PLAC1: variants seen among roughly 807,000 people sequenced by gnomAD.
PLAC1 encodes placenta associated 1.
For synonymous variants in PLAC1, 68 were observed against 62.1 expected (o/e 1.09, Z -0.44); for missense variants, 136 against 163.2 (o/e 0.83, Z 0.91).
intron 1 of PLAC1, among the ~76,000 whole-genome samples, chrX:134,637,853 A>G (rs1354039248): frequency 9.0e-6 from 1 of 110,591 alleles, no homozygotes; most frequent in African/African-American, 3.3e-5. Context: ...ATCTCAAAAG[A>G]AAAAAAAATT....
intron 2 of PLAC1, among the ~76,000 whole-genome samples, chrX:134,587,073 G>A (rs1292402992): frequency 2.7e-5 from 3 of 110,531 alleles, no homozygotes; most frequent in Non-Finnish European, 5.7e-5. Flanking sequence ...CTTCATGTAG[G>A]CTTCACAGTG....
chrX:134,680,657 C>T (rs768748960), intron 2 of PLAC1, among the ~76,000 whole-genome samples: 7 of 111,878 alleles, frequency 6.3e-5, no homozygotes, highest in Non-Finnish European at 1.1e-4. Context: ...CTCTTGAGAA[C>T]ATTACCCAGC....
intron 1 of PLAC1, among the ~76,000 whole-genome samples, chrX:134,737,566 G>C (rs2078706094): frequency 1.8e-5 from 2 of 112,727 alleles, no homozygotes; most frequent in African/African-American, 6.5e-5. Flanking sequence ...GCTTGCTGGA[G>C]TTCTGGACAG....
chrX:134,657,630 A>C (rs2078398525), intron 1 of PLAC1, among the ~76,000 whole-genome samples: 1 of 111,084 alleles, frequency 9.0e-6, no homozygotes, highest in East Asian at 2.8e-4. Flanking sequence ...GAGAATGTCC[A>C]CCCTGAGAGT....
At chrX:134,661,967 G>A (rs2078418176), upstream of PLAC1, among the ~76,000 whole-genome samples, 1 of 112,387 alleles carries the variant, frequency 8.9e-6, no homozygotes, top group South Asian at 3.7e-4. Flanking sequence ...GGCTAGGTGT[G>A]GTGGCTCATG....
chrX:134,589,978 A>G (rs1045306701), intron 2 of PLAC1, among the ~76,000 whole-genome samples: 10 of 109,721 alleles, frequency 9.1e-5, no homozygotes, highest in East Asian at 2.9e-4. Flanking sequence ...GGCGGATCAC[A>G]AGGTCAGGAG....
intron 2 of PLAC1, among the ~76,000 whole-genome samples, chrX:134,711,960 A>G (rs952073086): frequency 8.9e-6 from 1 of 112,208 alleles, no homozygotes; most frequent in Non-Finnish European, 1.9e-5. Context: ...TAGAAGAACT[A>G]TCCTCTTTTC....
At chrX:134,667,555 A>G (rs1357344786) in intron 2 of PLAC1, among the ~76,000 whole-genome samples, 3 of 111,918 alleles carry the variant, frequency 2.7e-5, no homozygotes, top group African/African-American at 9.8e-5. Context: ...TGGAGAAATC[A>G]GAACCCTTAT....
intron 2 of PLAC1, among the ~76,000 whole-genome samples, chrX:134,666,950 AC>A (rs1304880289): frequency 8.9e-6 from 1 of 112,493 alleles, no homozygotes; most frequent in Non-Finnish European, 1.9e-5. Context: ...AGTCTTTTAA[AC>A]AAATGGTGCT....
Position 134,584,934 on chromosome X carries a change from C to A in PLAC1, c.-59+17117G>T, listed in dbSNP as rs181426233. Among the ~76,000 whole-genome samples the A allele has an allele frequency of 5.3e-3, 585 of 111,136 alleles. 2 individuals carry two copies. Among genetic ancestry groups the A allele is most frequent in the Non-Finnish European group, 7.2e-3 (382 of 53,062 alleles). The stretch of plus-strand genomic sequence containing the variant: ...TTACCCACAAATTCTGCAACTGACA[C>A]ATAAACACAGGCAGAACGTCTTTCT... On this transcript the variant is annotated intron_variant, in intron 2 of 2. Transcript: ENST00000359237.
intron 2 of PLAC1, among the ~76,000 whole-genome samples, chrX:134,568,733 A>G (rs2077890486): frequency 8.9e-6 from 1 of 111,838 alleles, no homozygotes; most frequent in Non-Finnish European, 1.9e-5. Flanking sequence ...GGAAACAATA[A>G]TAACAACACA....
intron 2 of PLAC1, among the ~76,000 whole-genome samples, chrX:134,587,996 C>T (rs778045367): frequency 3.0e-4 from 34 of 111,965 alleles, no homozygotes; most frequent in African/African-American, 1.1e-3. Flanking sequence ...TGAACTGGTA[C>T]AGTTTTACCC....
intron 1 of PLAC1, among the ~76,000 whole-genome samples, chrX:134,602,465 C>T (rs1484978458): frequency 8.9e-6 from 1 of 112,240 alleles, no homozygotes; most frequent in Non-Finnish European, 1.9e-5. Context: ...AAAAAGAAGA[C>T]CTACTTACTA....
intron 2 of PLAC1, chrX:134,599,334 T>C (rs917039083): frequency 3.6e-5 from 4 of 111,105 alleles, no homozygotes; most frequent in Non-Finnish European, 7.6e-5. Context: ...GGTAATTGAA[T>C]CATGGGGGTG....
chrX:134,566,433 C>T lies in PLAC1; in HGVS notation c.250G>A (p.Ala84Thr). 8.3e-7 allele frequency: 1 copy of T among 1,211,820 alleles called. No homozygotes were observed. The highest frequency in any genetic ancestry group is 1.1e-6 in the Non-Finnish European group (1 of 895,504). ...TYRVTECGIR[A>T]KAVSQDMVIY... The stretch of plus-strand genomic sequence containing the variant: ...ACCATGTCCTGAGAGACAGCTTTGG[C>T]CCTGATGCCACATTCAGTAACACGG... The change falls in exon 3 of 3, where the codon GCC becomes ACC. Residue 84 changes from alanine to threonine, a missense_variant. Transcript: ENST00000359237.
chrX:134,705,777 G>A (rs2078602792), intron 2 of PLAC1, among the ~76,000 whole-genome samples: 1 of 111,601 alleles, frequency 9.0e-6, no homozygotes, highest in Non-Finnish European at 1.9e-5. Context: ...AGACCTTTAT[G>A]GAGAAAATTA....
intron 1 of PLAC1, among the ~76,000 whole-genome samples, chrX:134,763,088 T>C (rs934930539): frequency 9.0e-6 from 1 of 111,124 alleles, no homozygotes; most frequent in Non-Finnish European, 1.9e-5. Context: ...GGTAGAAATA[T>C]ACATGGTCAG....
Position 134,613,610 on chromosome X carries a change from G to A in PLAC1, c.-130-11488C>T, listed in dbSNP as rs1446393820. Among the ~76,000 whole-genome samples, 3 of 111,280 alleles carry A rather than the reference G, an allele frequency of 2.7e-5. 1 individual carries two copies. In the Admixed American group the frequency reaches 2.9e-4, roughly 11 times the overall value. ...TTCTTCAAGCAGGGCACGTGCTCCT[G>A]GATGAAAGAGGCATTTCTCATGCTG... On this transcript the variant is annotated intron_variant, in intron 1 of 2. Coordinates refer to ENST00000359237, the MANE Select transcript of PLAC1 (RefSeq NM_021796.4).
chrX:134,723,585 T>A (rs1195988927), intron 2 of PLAC1, among the ~76,000 whole-genome samples: 1 of 111,164 alleles, frequency 9.0e-6, no homozygotes, highest in Non-Finnish European at 1.9e-5. Flanking sequence ...AGTGCTGAGA[T>A]TACAGACATG....
Sources: allele counts gnomAD v4.1 joint callset (sites outside exome capture counted in the v4.1 genomes callset), GRCh38; gene constraint gnomAD v4.1.1; transcripts MANE v1.5; gene names NCBI Gene and HGNC (gene_info 2026-07-23, HGNC 2026-07-21).